GPM6B: variants seen among roughly 807,000 people sequenced by gnomAD.
GPM6B encodes the protein neuronal membrane glycoprotein M6-b.
A neutral mutation model predicts 27.2 loss-of-function variants in GPM6B; 4 were observed. The ratio of observed to expected loss-of-function variants is 0.15; its 90% CI spans 0.07 to 0.34. The LOEUF (loss-of-function observed/expected upper bound fraction) is 0.34. Ranked by LOEUF, GPM6B falls within the 10% of genes least tolerant of loss-of-function variation. The pLI is 1.00. For synonymous variants in GPM6B, 124 were observed against 103.1 expected (o/e 1.20, Z -1.23); for missense variants, 183 against 261.9 (o/e 0.70, Z 2.08).
rs141273258 is a variant in GPM6B at position 13,771,958 on chromosome X, C to T, written c.*923G>A. On this transcript the variant is annotated 3_prime_UTR_variant, in exon 8 of 8. Coordinates refer to ENST00000316715, the MANE Select transcript of GPM6B (RefSeq NM_001001995.3). ...ATAGTTGGTATGAAACTGTAAACTTCGTATCCAGACCACTGAAAAATGGTT... is the reference window on the plus strand; with the variant it reads ...ATAGTTGGTATGAAACTGTAAACTTTGTATCCAGACCACTGAAAAATGGTT... 1.8e-5 allele frequency: 2 copies of T among 112,257 alleles called. No individual in the cohort carries two copies. The highest frequency in any genetic ancestry group is 6.5e-5 in the African/African-American group (2 of 30,792). 9.3% of individuals were successfully genotyped at this position (112,257 alleles called of 1,213,427 possible). A position where few individuals can be genotyped will look rare whatever the true frequency, so the allele number is the denominator to read the frequency against.
At chrX:13,866,704 G>A (rs1256531744) in intron 1 of GPM6B, among the ~76,000 whole-genome samples, 1 of 111,138 alleles carries the variant, frequency 9.0e-6, no homozygotes, top group Non-Finnish European at 1.9e-5. Context: ...CCAGGGAAGA[G>A]TAGACGAAAA....
intron 2 of GPM6B, among the ~76,000 whole-genome samples, chrX:13,801,036 C>CT (rs2048911979): frequency 1.0e-5 from 1 of 98,841 alleles, no homozygotes; most frequent in African/African-American, 3.9e-5. Flanking sequence ...GAACCTCATA[C>CT]TTAAAAAAAA....
chrX:13,804,926 TGTAA>T (rs1483518690), intron 2 of GPM6B, among the ~76,000 whole-genome samples: 1 of 111,624 alleles, frequency 9.0e-6, no homozygotes, highest in African/African-American at 3.3e-5. Context: ...CAACAAAATC[TGTAA>T]GTGTCTGGAA....
rs1171503867 is a variant in GPM6B, at chrX:13,865,542, C to CAAAAAA, written c.-198+72779_-198+72784dup. ...ACCACACGGTAAAAATCCATCTCTT[C>CAAAAAA]AAAAAAAAAAAAAAAAAAAAGAAAG... On this transcript the variant is annotated intron_variant, in intron 1 of 6. Coordinates refer to the GPM6B transcript ENST00000398361. Among the ~76,000 whole-genome samples the CAAAAAA allele has an allele frequency of 2.7e-3, 39 of 14,622 alleles. 2 individuals are homozygous for CAAAAAA. Among genetic ancestry groups the CAAAAAA allele is most frequent in the Non-Finnish European group, 4.0e-3 (25 of 6,230 alleles). 12.7% of individuals were successfully genotyped at this position (14,622 alleles called of 115,157 possible). A position where few individuals can be genotyped will look rare whatever the true frequency, so the allele number is the denominator to read the frequency against.
intron 1 of GPM6B, among the ~76,000 whole-genome samples, chrX:13,858,312 A>G (rs1434410047): frequency 9.0e-6 from 1 of 111,431 alleles, no homozygotes; most frequent in African/African-American, 3.3e-5. Flanking sequence ...CCCTCTCTGA[A>G]GTTCATAATT....
intron 1 of GPM6B, among the ~76,000 whole-genome samples, chrX:13,830,323 G>A (rs1341839298): frequency 8.9e-6 from 1 of 112,129 alleles, no homozygotes; most frequent in Non-Finnish European, 1.9e-5. Context: ...AGAAGGTACT[G>A]GAGTTCTAAG....
intron 1 of GPM6B, among the ~76,000 whole-genome samples, chrX:13,831,416 T>C (rs1024084586): frequency 1.8e-5 from 2 of 111,377 alleles, no homozygotes; most frequent in Admixed American, 1.9e-4. Context: ...AAGATGCTTA[T>C]AGAGCTTGTC....
chrX:13,931,928 A>G (rs1353526744), intron 1 of GPM6B, among the ~76,000 whole-genome samples: 4 of 111,626 alleles, frequency 3.6e-5, no homozygotes, highest in African/African-American at 1.3e-4. Context: ...AATCTAAGTC[A>G]CCACTGGAAA....
chrX:13,913,528 A>G, intron 1 of GPM6B, among the ~76,000 whole-genome samples: 1 of 111,122 alleles, frequency 9.0e-6, no homozygotes, highest in South Asian at 3.8e-4. Context: ...GTAACTTCAA[A>G]CTAGCATAAT....
intron 2 of GPM6B, among the ~76,000 whole-genome samples, chrX:13,791,718 T>C (rs1209720793): frequency 8.9e-6 from 1 of 111,775 alleles, no homozygotes; most frequent in Non-Finnish European, 1.9e-5. Context: ...AAACACCTTT[T>C]GTCCTCAGGC....
At chrX:13,781,305 A>G (rs558232873) in intron 4 of GPM6B, among the ~76,000 whole-genome samples, 4 of 111,986 alleles carry the variant, frequency 3.6e-5, no homozygotes, top group South Asian at 7.5e-4. Context: ...CAGGACTACG[A>G]AAGAAAAATC....
At chrX:13,860,301 G>C (rs1569266412) in intron 1 of GPM6B, among the ~76,000 whole-genome samples, 1 of 111,586 alleles carries the variant, frequency 9.0e-6, no homozygotes, top group Non-Finnish European at 1.9e-5. Flanking sequence ...TGTTGGGAAG[G>C]GTAAAATATG....
At chrX:13,782,762 AAAAAAAAAAAAG>A (rs1296675909) in intron 4 of GPM6B, among the ~76,000 whole-genome samples, 1 of 71,006 alleles carries the variant, frequency 1.4e-5, no homozygotes, top group Non-Finnish European at 2.6e-5. Context: ...CGTCTCAAAA[AAAAAAAAAAAAG>A]AAAAAAAAAA....
chrX:13,835,989 G>T (rs2049490256), intron 1 of GPM6B, among the ~76,000 whole-genome samples: 1 of 112,256 alleles, frequency 8.9e-6, no homozygotes, highest in Non-Finnish European at 1.9e-5. Flanking sequence ...CAGCTTAGCC[G>T]CATGCCAAAG....
intron 1 of GPM6B, among the ~76,000 whole-genome samples, chrX:13,926,416 AC>A (rs1569310793): frequency 2.3e-4 from 24 of 105,585 alleles, no homozygotes; most frequent in African/African-American, 3.5e-4. Context: ...TCTCAAAAAA[AC>A]AAACAAACAA....
intron 1 of GPM6B, among the ~76,000 whole-genome samples, chrX:13,884,339 T>C (rs1237140098): frequency 8.9e-6 from 1 of 112,220 alleles, no homozygotes; most frequent in African/African-American, 3.2e-5. Context: ...ATATAAAATA[T>C]CTAGCATAGT....
At chrX:13,791,205 G>GT (rs113854554) in intron 2 of GPM6B, among the ~76,000 whole-genome samples, 1,220 of 104,798 alleles carry the variant, frequency 0.012, 7 homozygotes, top group African/African-American at 0.021. Flanking sequence ...TCAATGCCAG[G>GT]TTTTTTTTTT....
chrX:13,842,134 A>G (rs955592618), intron 1 of GPM6B, among the ~76,000 whole-genome samples: 5 of 112,152 alleles, frequency 4.5e-5, no homozygotes, highest in Non-Finnish European at 7.5e-5. Context: ...AGGGCCACAT[A>G]TGTTACTCCT....
chrX:13,927,723 G>A (rs994797047), intron 1 of GPM6B, among the ~76,000 whole-genome samples: 13 of 112,811 alleles, frequency 1.2e-4, no homozygotes, highest in African/African-American at 4.2e-4. Context: ...AAGCATTCAC[G>A]TTGATCAAAT....
Sources: gnomAD v4.1 joint callset for allele counts (sites outside exome capture counted in the v4.1 genomes callset) on GRCh38, gnomAD v4.1.1 for gene constraint, MANE v1.5 for transcripts, NCBI Gene and HGNC (gene_info 2026-07-23, HGNC 2026-07-21) for gene names.